MARCHF6: variants seen among roughly 807,000 people sequenced by gnomAD.
MARCHF6 encodes the protein membrane associated ring-CH-type finger 6.
A neutral mutation model predicts 133.7 loss-of-function variants in MARCHF6; 31 were observed. The ratio of observed to expected loss-of-function variants is 0.23; its 90% CI spans 0.17 to 0.31. MARCHF6 has a LOEUF of 0.31. Ranked by LOEUF, MARCHF6 falls within the 10% of genes least tolerant of loss-of-function variation. The pLI is 1.00. For missense variants in MARCHF6, 723 were observed against 1,121.6 expected (o/e 0.64, Z 5.08); for synonymous variants, 395 against 402.5 (o/e 0.98, Z 0.22).
intron 3 of MARCHF6, among the ~76,000 whole-genome samples, chr5:10,379,912 A>C (rs933719087): frequency 2.6e-5 from 4 of 152,094 alleles, no homozygotes; most frequent in African/African-American, 9.7e-5. Context: ...GGCCAAACAA[A>C]GTTTTAAATT....
chr5:10,373,384 T>C (rs1370986097), intron 1 of MARCHF6, among the ~76,000 whole-genome samples: 1 of 152,120 alleles, frequency 6.6e-6, no homozygotes, highest in African/African-American at 2.4e-5. Context: ...GCCATCCACT[T>C]GGAGTCAGCA....
chr5:10,398,597 T>C (rs1401260483), intron 10 of MARCHF6, among the ~76,000 whole-genome samples: 1 of 152,106 alleles, frequency 6.6e-6, no homozygotes, highest in African/African-American at 2.4e-5. Context: ...TTTTTTTTTT[T>C]TGAGAGAAAA....
intron 10 of MARCHF6, among the ~76,000 whole-genome samples, chr5:10,399,638 T>TA (rs1230820989): frequency 1.3e-5 from 2 of 152,188 alleles, no homozygotes; most frequent in East Asian, 3.8e-4. Flanking sequence ...TATCTCACCT[T>TA]ACAAAATTAC....
chr5:10,414,547 A>G (rs745559881), intron 20 of MARCHF6, 45 bp downstream of exon 20: 3 of 1,449,190 alleles, frequency 2.1e-6, no homozygotes, highest in Non-Finnish European at 2.9e-6. Context: ...CATTAAGGTT[A>G]TTTATTTAGC....
At chr5:10,414,816 G>A (rs1044395971) in intron 20 of MARCHF6, among the ~76,000 whole-genome samples, 6 of 152,184 alleles carry the variant, frequency 3.9e-5, no homozygotes, top group African/African-American at 1.2e-4. Context: ...TATGTAAATG[G>A]TCTTATCCAA....
intron 25 of MARCHF6, among the ~76,000 whole-genome samples, 161 bp from the exon 26 acceptor site, chr5:10,433,433 C>T (rs1171775401): frequency 6.6e-6 from 1 of 152,238 alleles, no homozygotes; most frequent in Non-Finnish European, 1.5e-5. Flanking sequence ...AAACCCATAC[C>T]TAGGTAGATG....
chr5:10,436,460 C>T lies in MARCHF6; in HGVS notation c.*2776C>T, dbSNP rs906522821. The T allele has an allele frequency of 2.0e-5, 3 of 152,102 alleles. No homozygotes were observed. The highest frequency in any genetic ancestry group is 7.2e-5 in the African/African-American group (3 of 41,418). 9.4% of individuals were successfully genotyped at this position (152,102 alleles called of 1,614,324 possible). On this transcript the variant is annotated 3_prime_UTR_variant, in exon 26 of 26. Coordinates refer to ENST00000274140, the MANE Select transcript of MARCHF6 (RefSeq NM_005885.4). The stretch of plus-strand genomic sequence containing the variant: ...CATAGTTCAGAAAATGTTAGTATTG[C>T]TGCCCTTCTTCACATAAATTTTTTT...
rs760076770 is a variant in MARCHF6, at chr5:10,426,352, T to C, written c.2374-38T>C. On this transcript the variant is annotated intron_variant, in intron 23 of 25. Coordinates refer to ENST00000274140, the MANE Select transcript of MARCHF6 (RefSeq NM_005885.4). ...CTGTATTAACTTGGAGGAATTTGTC[T>C]TGTATCTTTGTTCTAATTGCTTTTT... 3 of 1,605,998 alleles carry C rather than the reference T, an allele frequency of 1.9e-6. No individual in the cohort carries two copies. The Admixed American group carries it at 5.1e-5, about 27-fold the overall frequency.
intron 1 of MARCHF6, among the ~76,000 whole-genome samples, chr5:10,354,253 C>T (rs1735302714): frequency 2.6e-5 from 4 of 152,164 alleles, no homozygotes; most frequent in South Asian, 4.1e-4. Flanking sequence ...CGCTGCCGTC[C>T]GGGGGCGTTT....
intron 7 of MARCHF6, among the ~76,000 whole-genome samples, chr5:10,392,907 G>C (rs1390106015): frequency 2.6e-5 from 4 of 152,048 alleles, no homozygotes; most frequent in Non-Finnish European, 5.9e-5. Context: ...TTTGTGTCAC[G>C]TACTCTGTTA....
At chr5:10,430,712 A>T (rs140102864) in intron 25 of MARCHF6, among the ~76,000 whole-genome samples, 2 of 152,322 alleles carry the variant, frequency 1.3e-5, no homozygotes, top group Non-Finnish European at 2.9e-5. Context: ...CCTGCATTAG[A>T]AACTAGCAGT....
chr5:10,437,123 C>T lies in MARCHF6; in HGVS notation c.*3439C>T, dbSNP rs940522332. The stretch of plus-strand genomic sequence containing the variant: ...TATTGCGTTTGCGAATGTGCGTGAA[C>T]ACACGCACACGTGCAGGAGAATGTA... On this transcript the variant is annotated 3_prime_UTR_variant, in exon 26 of 26. Transcript: ENST00000274140. 3.3e-5 allele frequency: 5 copies of T among 152,240 alleles called. No individual in the cohort carries two copies. Among genetic ancestry groups the T allele is most frequent in the Admixed American group, 6.5e-5 (1 of 15,286 alleles). 9.4% of individuals were successfully genotyped at this position (152,240 alleles called of 1,614,324 possible). A position where few individuals can be genotyped will look rare whatever the true frequency, so the allele number is the denominator to read the frequency against.
intron 1 of MARCHF6, among the ~76,000 whole-genome samples, chr5:10,360,307 G>A (rs1456627773): frequency 6.6e-6 from 1 of 151,560 alleles, no homozygotes; most frequent in Non-Finnish European, 1.5e-5. Flanking sequence ...GCACCACCAT[G>A]CCTGGCTAAT....
rs570681672 is a variant in MARCHF6, at chr5:10,367,477, A to G, written c.20-10321A>G. Among the ~76,000 whole-genome samples the G allele has an allele frequency of 1.6e-4, 25 of 152,360 alleles. No homozygotes were observed. In the South Asian group the frequency reaches 5.2e-3, roughly 32 times the overall value. ...AAAATAATTCTTTGTATATTAAATTATCACTGATTTAACACCAGAAGGTAA... is the reference window on the plus strand; with the variant it reads ...AAAATAATTCTTTGTATATTAAATTGTCACTGATTTAACACCAGAAGGTAA... On this transcript the variant is annotated intron_variant, in intron 1 of 25. Transcript: ENST00000274140.
At chr5:10,398,749 T>C (rs564777210) in intron 10 of MARCHF6, among the ~76,000 whole-genome samples, 2 of 152,354 alleles carry the variant, frequency 1.3e-5, no homozygotes, top group East Asian at 3.8e-4. Context: ...TAAAGCTTTT[T>C]CTAATCCAAC....
chr5:10,400,799 A>G lies in MARCHF6; in HGVS notation c.929A>G (p.His310Arg). 1 of 1,612,762 alleles carries G rather than the reference A, an allele frequency of 6.2e-7. No homozygotes were observed. Among genetic ancestry groups the G allele is most frequent in the Non-Finnish European group, 8.5e-7 (1 of 1,178,988 alleles). The change falls in exon 11 of 26, where the codon CAT becomes CGT. Residue 310 changes from histidine (H) to arginine (R), a missense_variant. Around this residue, in one of 4 missense-constraint regions of MARCHF6, gnomAD observed 43 missense variants for 97.9 expected, o/e 0.44. Coordinates refer to ENST00000274140, the MANE Select transcript of MARCHF6 (RefSeq NM_005885.4). ...CCCTTTTTAGCATTTTGCCCTTACC[A>G]TATTGGTCATTTCTCCCTTGTTGGT... The part of the protein sequence containing the change: ...FILVFAFCPY[H>R]IGHFSLVGLG...
intron 17 of MARCHF6, among the ~76,000 whole-genome samples, chr5:10,408,626 C>T (rs1051338955): frequency 6.6e-6 from 1 of 152,208 alleles, no homozygotes; most frequent in African/African-American, 2.4e-5. Context: ...GCAGCCTCAA[C>T]CTCCTGGGCT....
At chr5:10,354,973 T>A (rs7736581) in intron 1 of MARCHF6, among the ~76,000 whole-genome samples, 126,595 of 152,200 alleles carry the variant, frequency 0.83, 53,860 homozygotes, top group Non-Finnish European at 0.9. Flanking sequence ...CTTTAATAAA[T>A]ACCTCAACTA....
intron 1 of MARCHF6, among the ~76,000 whole-genome samples, chr5:10,375,352 G>A (rs961292759): frequency 2.0e-5 from 3 of 152,246 alleles, no homozygotes; most frequent in African/African-American, 7.2e-5. Context: ...CGGCCCACCG[G>A]CGCTGTGCTC....
Sources: allele counts gnomAD v4.1 joint callset (sites outside exome capture counted in the v4.1 genomes callset), GRCh38; gene constraint gnomAD v4.1.1; regional missense constraint gnomAD v4.1.1; transcripts MANE v1.5; gene names NCBI Gene and HGNC (gene_info 2026-07-23, HGNC 2026-07-21).